Variants in AVEN observed in about 807,000 individuals in gnomAD.
AVEN encodes the protein cell death regulator Aven.
AVEN carries 41 observed loss-of-function variants against 38.1 expected under a neutral mutation model. The observed-to-expected ratio is 1.08, with a 90% confidence interval of 0.84 to 1.40. AVEN has a LOEUF of 1.40. AVEN is among the 40% of genes most tolerant of loss of function. The pLI is 0.00. For synonymous variants in AVEN, 206 were observed against 171.8 expected (o/e 1.20, Z -1.56); for missense variants, 605 against 438.8 (o/e 1.38, Z -3.38).
At chr15:33,989,337 T>C (rs541622038) in intron 2 of AVEN, among the ~76,000 whole-genome samples, 2 of 152,252 alleles carry the variant, frequency 1.3e-5, no homozygotes, top group Admixed American at 1.3e-4. Context: ...AAGTAATTCT[T>C]AGCTTTTGTA....
At chr15:33,932,334 T>C (rs1466509754) in intron 2 of AVEN, among the ~76,000 whole-genome samples, 1 of 152,208 alleles carries the variant, frequency 6.6e-6, no homozygotes, top group Non-Finnish European at 1.5e-5. Context: ...TACAGTGATC[T>C]TGTCAGTTCT....
At chr15:34,064,140 A>G in intron 4 of AVEN, 1 of 1,614,090 alleles carries the variant, frequency 6.2e-7, no homozygotes, top group Non-Finnish European at 8.5e-7. Context: ...TGTCCCAGTC[A>G]CCCTGTGGCA....
At chr15:34,017,291 C>G (rs941927985) in intron 1 of AVEN, among the ~76,000 whole-genome samples, 1 of 152,060 alleles carries the variant, frequency 6.6e-6, no homozygotes, top group Non-Finnish European at 1.5e-5. Flanking sequence ...ACACCACCAC[C>G]CCATTTTAAA....
chr15:34,019,109 T>C (rs575572194), intron 1 of AVEN, among the ~76,000 whole-genome samples: 9 of 152,326 alleles, frequency 5.9e-5, no homozygotes, highest in African/African-American at 2.2e-4. Context: ...GATTGGTGCA[T>C]TTACAATCCT....
chr15:33,917,150 A>T (rs1843759902), intron 2 of AVEN, among the ~76,000 whole-genome samples: 1 of 152,144 alleles, frequency 6.6e-6, no homozygotes, highest in African/African-American at 2.4e-5. Flanking sequence ...CCACTATGGA[A>T]AACAGTGTGG....
intron 5 of AVEN, among the ~76,000 whole-genome samples, chr15:34,046,357 A>AAAC (rs397764362): frequency 6.6e-6 from 1 of 150,720 alleles, no homozygotes; most frequent in Non-Finnish European, 1.5e-5. Context: ...AAAAAAAAAA[A>AAAC]CGGGAAAAAG....
At chr15:33,911,151 C>T (rs1024011680) in intron 2 of AVEN, among the ~76,000 whole-genome samples, 8 of 152,098 alleles carry the variant, frequency 5.3e-5, no homozygotes, top group Non-Finnish European at 1.0e-4. Context: ...ACTCCAGCAC[C>T]ACCACCTCTT....
At chr15:34,027,045 C>T (rs1898511144) in intron 1 of AVEN, among the ~76,000 whole-genome samples, 1 of 152,078 alleles carries the variant, frequency 6.6e-6, no homozygotes, top group African/African-American at 2.4e-5. Context: ...CTCTGCAAAC[C>T]CACTCTACTA....
intron 3 of AVEN, among the ~76,000 whole-genome samples, chr15:33,871,483 G>A (rs969134495): frequency 3.9e-5 from 6 of 151,946 alleles, no homozygotes; most frequent in Non-Finnish European, 8.8e-5. Flanking sequence ...CAGGAGAATC[G>A]CTTGAACCTG....
intron 4 of AVEN, among the ~76,000 whole-genome samples, chr15:33,868,147 C>A (rs1890772150): frequency 6.6e-6 from 1 of 152,200 alleles, no homozygotes; most frequent in South Asian, 2.1e-4. Flanking sequence ...GTCTTCCTAG[C>A]CCTGGCCTGA....
intron 2 of AVEN, among the ~76,000 whole-genome samples, chr15:33,897,043 C>T (rs1892261079): frequency 6.6e-6 from 1 of 152,080 alleles, no homozygotes; most frequent in South Asian, 2.1e-4. Flanking sequence ...ATGCATTATG[C>T]AATGTGAAAG....
At chr15:33,961,590 A>G (rs113007664) in intron 2 of AVEN, among the ~76,000 whole-genome samples, 6,900 of 151,452 alleles carry the variant, frequency 0.046, 168 homozygotes, top group Middle Eastern at 0.065. Flanking sequence ...AAGGTGGGCG[A>G]ATCACGAGGT....
At chr15:33,875,755 G>T (rs1891196806) in intron 3 of AVEN, among the ~76,000 whole-genome samples, 170 bp downstream of exon 3, 1 of 152,158 alleles carries the variant, frequency 6.6e-6, no homozygotes, top group African/African-American at 2.4e-5. Context: ...TAGCTTCAAG[G>T]ACCTGTGGAA....
chr15:33,887,658 G>C (rs1891758189), intron 2 of AVEN, among the ~76,000 whole-genome samples: 1 of 152,062 alleles, frequency 6.6e-6, no homozygotes, highest in African/African-American at 2.4e-5. Context: ...AACAAGACAA[G>C]AGAAGACTAC....
chr15:34,025,813 AAGAC>A (rs1898441794), intron 1 of AVEN, among the ~76,000 whole-genome samples: 2 of 151,890 alleles, frequency 1.3e-5, no homozygotes, highest in Non-Finnish European at 2.9e-5. Flanking sequence ...GAAGGAGAAA[AAGAC>A]AGGCACTGGA....
intron 2 of AVEN, among the ~76,000 whole-genome samples, chr15:33,962,978 C>T (rs965099449): frequency 6.9e-6 from 1 of 144,576 alleles, no homozygotes; most frequent in Non-Finnish European, 1.5e-5. Context: ...GAAGTATAAT[C>T]ATTAAGCGGA....
chr15:33,910,637 C>A (rs941586306), intron 2 of AVEN, among the ~76,000 whole-genome samples: 1 of 152,218 alleles, frequency 6.6e-6, no homozygotes, highest in Non-Finnish European at 1.5e-5. Flanking sequence ...AAATGCCCAA[C>A]TCACCCAATG....
chr15:33,876,409 T>TAAAAA (rs1259967152), intron 2 of AVEN, among the ~76,000 whole-genome samples: 1 of 151,664 alleles, frequency 6.6e-6, no homozygotes, highest in Admixed American at 6.6e-5. Context: ...GTGTCTCTAC[T>TAAAAA]AAAAATACAA....
At chr15:34,035,559 G>T (rs1289854065) in intron 1 of AVEN, among the ~76,000 whole-genome samples, 2 of 152,030 alleles carry the variant, frequency 1.3e-5, no homozygotes, top group Non-Finnish European at 2.9e-5. Flanking sequence ...ATATTAAAAA[G>T]TTATTTCACC....
Sources: gnomAD v4.1 joint callset for allele counts (sites outside exome capture counted in the v4.1 genomes callset) on GRCh38, gnomAD v4.1.1 for gene constraint, MANE v1.5 for transcripts, NCBI Gene and HGNC (gene_info 2026-07-23, HGNC 2026-07-21) for gene names.